Variants in ZXDC observed in about 807,000 individuals in gnomAD.
ZXDC encodes zinc finger protein ZXDC.
In ZXDC, 58 loss-of-function variants were observed where a neutral mutation model predicts 63.6. The observed-to-expected ratio is 0.91, with a 90% CI of 0.74 to 1.13. The LOEUF (loss-of-function observed/expected upper bound fraction) is 1.13, where lower values mean the gene tolerates loss of function less well. ZXDC is among the 50% of genes most tolerant of loss of function. The pLI is 0.00. For missense variants in ZXDC, 1,133 were observed against 1,148.9 expected (o/e 0.99, Z 0.20); for synonymous variants, 561 against 496.1 (o/e 1.13, Z -1.74).
chr3:126,466,369 A>G lies in ZXDC; in HGVS notation c.1271-44T>C, dbSNP rs549857269. 6.2e-5 allele frequency: 100 copies of G among 1,611,116 alleles called. 1 individual carries two copies. In the South Asian group the frequency reaches 6.4e-4, roughly 10 times the overall value. On this transcript the variant is annotated intron_variant, in intron 4 of 9. Transcript: ENST00000389709. ...TGAGAGTGAAACCCAAGGATCACCA[A>G]GGAACCAGGAACAAGTGACACTTCC...
intron 6 of ZXDC, chr3:126,459,979 G>A (rs961634475): frequency 5.1e-6 from 5 of 985,326 alleles, no homozygotes; most frequent in Non-Finnish European, 4.8e-6. Context: ...TTCCTTCATA[G>A]TCTAAAACAT....
At position 126,438,265 on chromosome 3, in the gene ZXDC, C is replaced by G. The variant is rs184144589; in HGVS notation, c.*110G>C. ...ACCCAAAAGTCTCAAAAGGGCTACG[C>G]TGGTCTTCTGAACGGAAACCAAATG... On this transcript the variant is annotated 3_prime_UTR_variant, in exon 10 of 10. Transcript: ENST00000389709. 7.5e-5 allele frequency: 65 copies of G among 867,540 alleles called. No homozygotes were observed. In the East Asian group the frequency reaches 1.5e-3, roughly 20 times the overall value. The allele number at this position is 867,540 out of a possible 1,614,324, so 53.7% of individuals were successfully genotyped here. A position where few individuals can be genotyped will look rare whatever the true frequency, so the allele number is the denominator to read the frequency against.
At chr3:126,472,372 T>G in intron 1 of ZXDC, 67 bp from the exon 2 acceptor site, 2 of 1,571,284 alleles carry the variant, frequency 1.3e-6, no homozygotes, top group Non-Finnish European at 1.7e-6. Context: ...CTAATGCTAG[T>G]CACACCCACC....
At chr3:126,470,862 G>C in intron 4 of ZXDC, 33 bp downstream of exon 4, 1 of 1,608,850 alleles carries the variant, frequency 6.2e-7, no homozygotes, top group Non-Finnish European at 8.5e-7. Context: ...ATTGCACTTA[G>C]TTTACTGCTC....
intron 5 of ZXDC, among the ~76,000 whole-genome samples, chr3:126,462,542 T>A (rs1054989446): frequency 6.6e-6 from 1 of 152,190 alleles, no homozygotes; most frequent in African/African-American, 2.4e-5. Context: ...TCAGGCCAAC[T>A]GGTAACAGCA....
intron 7 of ZXDC, chr3:126,442,656 A>T (rs1933726773): frequency 6.6e-6 from 1 of 152,156 alleles, no homozygotes; most frequent in Admixed American, 6.5e-5. Flanking sequence ...TGCTAGTCCC[A>T]ACCTCGGAAG....
At chr3:126,445,934 C>A (rs1248797051) in intron 7 of ZXDC, among the ~76,000 whole-genome samples, 1 of 152,168 alleles carries the variant, frequency 6.6e-6, no homozygotes, top group Non-Finnish European at 1.5e-5. Flanking sequence ...TCTAGGGATG[C>A]TTAAGGACAT....
In ZXDC at chr3:126,462,105, A is replaced by G; in HGVS notation, c.1557T>C (p.Pro519=). 1 of 1,614,084 alleles carries G rather than the reference A, an allele frequency of 6.2e-7. No homozygotes were observed. Among genetic ancestry groups the G allele is most frequent in the Non-Finnish European group, 8.5e-7 (1 of 1,180,026 alleles). The change falls in exon 6 of 10, where the codon CCT becomes CCC. Residue 519 remains proline (P), a synonymous_variant. Transcript: ENST00000389709. ...MDLAALFSDT[P]ANASGSAGGS... ...CACCTGCAGAACCACTAGCATTGGCAGGTGTGTCAGAGAAGAGTGCAGCAA... is the reference window on the plus strand; with the variant it reads ...CACCTGCAGAACCACTAGCATTGGCGGGTGTGTCAGAGAAGAGTGCAGCAA...
Position 126,475,327 on chromosome 3 carries a change from G to A in ZXDC, c.539C>T (p.Pro180Leu). ...CTTGGCGAAGGCCAGCGCGCACTGC[G>A]GCTCGGGGCAGCGGTAGCCGGGCGT... is the stretch of plus-strand genomic sequence containing the variant. ...PSTPGYRCPE[P>L]QCALAFAKKH... Residue 180 changes from proline to leucine, a missense_variant, in exon 1 of 10, where the codon CCG (proline) becomes CTG (leucine). Coordinates refer to ENST00000389709, the MANE Select transcript of ZXDC (RefSeq NM_025112.5). The A allele has an allele frequency of 6.5e-7, 1 of 1,542,610 alleles. No individual in the cohort carries two copies. Among genetic ancestry groups the A allele is most frequent in the Non-Finnish European group, 8.8e-7 (1 of 1,142,714 alleles).
chr3:126,442,862 T>C (rs751350099), intron 7 of ZXDC: 2 of 152,194 alleles, frequency 1.3e-5, no homozygotes, highest in Admixed American at 6.5e-5. Context: ...AAGTATTCAA[T>C]TGGGTGACCC....
At chr3:126,457,247 G>A (rs1934344290) in intron 7 of ZXDC, 19 of 983,102 alleles carry the variant, frequency 1.9e-5, no homozygotes, top group Non-Finnish European at 2.3e-5. Context: ...TGAGTATGCA[G>A]GATGCTGCTT....
intron 7 of ZXDC, among the ~76,000 whole-genome samples, chr3:126,446,815 A>G (rs576083988): frequency 4.6e-5 from 7 of 152,344 alleles, no homozygotes; most frequent in African/African-American, 1.7e-4. Context: ...AATGTTTATC[A>G]TTTTTCAAAA....
At chr3:126,473,628 T>C (rs1156493435) in intron 1 of ZXDC, among the ~76,000 whole-genome samples, 2 of 152,320 alleles carry the variant, frequency 1.3e-5, no homozygotes, top group Non-Finnish European at 2.9e-5. Context: ...TTTGAGCTAG[T>C]GGCCTCAAGC....
intron 7 of ZXDC, chr3:126,451,939 A>G: frequency 2.0e-6 from 2 of 985,432 alleles, no homozygotes; most frequent in East Asian, 2.3e-4. Context: ...CACACGACAA[A>G]AAGAACAAGG....
chr3:126,475,820 G>A lies in ZXDC; in HGVS notation c.46C>T (p.Gln16Ter). 2.8e-6 allele frequency: 3 copies of A among 1,084,014 alleles called. No individual in the cohort carries two copies. The highest frequency in any genetic ancestry group is 3.4e-6 in the Non-Finnish European group (3 of 894,648). The allele number at this position is 1,084,014 out of a possible 1,614,324, so 67.1% of individuals were successfully genotyped here. Residue 16 changes from glutamine (Q) to a stop codon, truncating the protein, a stop_gained, in exon 1 of 10, where the codon CAA becomes TAA. Coordinates refer to ENST00000389709, the MANE Select transcript of ZXDC (RefSeq NM_025112.5). LOFTEE classifies it high-confidence loss of function. ...LLPAPTARGG[Q>*]HGGGPGPLRR... is the part of the protein sequence containing the mutation. ...AGCGGGCCGGGGCCGCCGCCATGTT[G>A]CCCTCCGCGCGCAGTCGGGGCGGGG...
Position 126,461,693 on chromosome 3 carries a change from C to A in ZXDC, c.1969G>T (p.Ala657Ser), listed in dbSNP as rs1329285412. Reference protein sequence around the residue: ...RENASVPELLAPIKVEPDSPS... With the variant: ...RENASVPELLSPIKVEPDSPS... ...GAGTCCGGCTCCACCTTGATTGGAGCCAGCAGTTCCGGGACACTGGCATTT... is the reference window on the plus strand; with the variant it reads ...GAGTCCGGCTCCACCTTGATTGGAGACAGCAGTTCCGGGACACTGGCATTT... Residue 657 changes from alanine (A) to serine (S), a missense_variant, in exon 6 of 10, where the codon GCT (alanine) becomes TCT (serine). By Grantham distance (99) the Ala-to-Ser change is moderately conservative. Coordinates refer to ENST00000389709, the MANE Select transcript of ZXDC (RefSeq NM_025112.5). 2 of 1,613,312 alleles carry A rather than the reference C, an allele frequency of 1.2e-6. No homozygotes were observed. The highest frequency in any genetic ancestry group is 4.5e-5 in the East Asian group (2 of 44,832).
chr3:126,466,564 G>T (rs994166333), intron 4 of ZXDC, among the ~76,000 whole-genome samples: 1 of 152,234 alleles, frequency 6.6e-6, no homozygotes, highest in African/African-American at 2.4e-5. Context: ...TCCTACCTCA[G>T]CTATGCCTAA....
intron 6 of ZXDC, 61 bp downstream of exon 6, chr3:126,461,474 C>T: frequency 6.5e-7 from 1 of 1,534,220 alleles, no homozygotes; most frequent in South Asian, 1.3e-5. Flanking sequence ...CCAGAATATC[C>T]TCAAGACCGA....
intron 7 of ZXDC, chr3:126,451,523 A>G: frequency 6.1e-6 from 6 of 985,428 alleles, no homozygotes; most frequent in Non-Finnish European, 7.2e-6. Context: ...CACATTACCA[A>G]ATGACCCTCC....
Sources: allele counts gnomAD v4.1 joint callset (sites outside exome capture counted in the v4.1 genomes callset), GRCh38; gene constraint gnomAD v4.1.1; transcripts MANE v1.5; gene names NCBI Gene and HGNC (gene_info 2026-07-23, HGNC 2026-07-21).